The following HDGFL3 variants were observed in gnomAD, a reference collection of about 807,000 sequenced individuals.
HDGFL3 encodes HDGF like 3, also known as hepatoma-derived growth factor-related protein 3.
A neutral mutation model predicts 27.6 loss-of-function variants in HDGFL3; 6 were observed. The observed-to-expected ratio is 0.22, with a 90% CI of 0.12 to 0.43. The LOEUF (loss-of-function observed/expected upper bound fraction) is 0.43, where lower values mean the gene tolerates loss of function less well. Among genes scored for constraint, HDGFL3 ranks in the 20% least tolerant of loss-of-function variants. The probability of loss-of-function intolerance (pLI) is 1.00; values close to 1 mark genes in which losing one functional copy is unlikely to be tolerated. For missense variants in HDGFL3, 207 were observed against 250.1 expected (o/e 0.83, Z 1.16); for synonymous variants, 88 against 88.9 (o/e 0.99, Z 0.05).
chr15:83,140,921 C>G lies in HDGFL3; in HGVS notation c.607-1646G>C, dbSNP rs182562145. On this transcript the variant is annotated intron_variant, in intron 5 of 5. Transcript: ENST00000299633. Reference sequence around the variant, plus strand: ...TTTGGAACAGGTGGTCCCATGGCAGCCTCAGAGTAGTATTAATACCCCAAA... The same window carrying G: ...TTTGGAACAGGTGGTCCCATGGCAGGCTCAGAGTAGTATTAATACCCCAAA... 4.1e-4 allele frequency among the ~76,000 whole-genome samples: 62 copies of G among 152,186 alleles called. 1 individual carries two copies. The highest frequency in any genetic ancestry group is 1.5e-3 in the African/African-American group (62 of 41,512).
chr15:83,178,089 G>A (rs1372026441), intron 1 of HDGFL3, among the ~76,000 whole-genome samples: 2 of 152,192 alleles, frequency 1.3e-5, no homozygotes, highest in East Asian at 3.8e-4. Context: ...AAGGTTTGTG[G>A]AAAGGAAAAT....
chr15:83,177,872 T>G (rs2037332784), intron 1 of HDGFL3, among the ~76,000 whole-genome samples: 1 of 152,216 alleles, frequency 6.6e-6, no homozygotes, highest in South Asian at 2.1e-4. Context: ...CAGAAACTAG[T>G]TGCTTTGGTT....
At chr15:83,112,793 G>A (rs774118058) in exon 4 of HDGFL3, 2 of 1,610,074 alleles carry the variant, frequency 1.2e-6, no homozygotes, top group South Asian at 1.1e-5. Context: ...TCTGGTCGTT[G>A]CAGTTCCTGG....
chr15:83,200,807 G>A (rs1228793530), intron 1 of HDGFL3, among the ~76,000 whole-genome samples: 2 of 151,462 alleles, frequency 1.3e-5, no homozygotes, highest in African/African-American at 4.9e-5. Flanking sequence ...GAAATCTGGA[G>A]GATGTCATTC....
In HDGFL3 at chr15:83,119,733, G is replaced by A. The variant is rs766860709; in HGVS notation, c.394-3992C>T. 13 of 1,610,628 alleles carry A rather than the reference G, an allele frequency of 8.1e-6. 1 individual carries two copies. Among genetic ancestry groups the A allele is most frequent in the South Asian group, 2.2e-5 (2 of 90,748 alleles). On this transcript the variant is annotated intron_variant, in intron 3 of 3. Transcript: ENST00000568294. ...TTTGCCACCTTAGCAACCGATAAGC[G>A]GGTATGTAAGGAAACGTTATGCATA...
chr15:83,140,900 G>T (rs1180616779), intron 5 of HDGFL3, among the ~76,000 whole-genome samples: 1 of 152,048 alleles, frequency 6.6e-6, no homozygotes, highest in East Asian at 1.9e-4. Flanking sequence ...AATATTTTTG[G>T]AACAGGTGGT....
At chr15:83,142,635 T>A (rs1296730560) in intron 5 of HDGFL3, among the ~76,000 whole-genome samples, 1 of 151,928 alleles carries the variant, frequency 6.6e-6, no homozygotes, top group Non-Finnish European at 1.5e-5. Flanking sequence ...TAATAATAAA[T>A]CTGCACATGT....
chr15:83,169,443 A>T (rs1443563876), intron 1 of HDGFL3, among the ~76,000 whole-genome samples: 24 of 147,746 alleles, frequency 1.6e-4, no homozygotes, highest in Admixed American at 2.7e-4. Flanking sequence ...AAAAAAAAAA[A>T]AAAAGAAAGA....
At chr15:83,193,031 T>C (rs934157094) in intron 1 of HDGFL3, among the ~76,000 whole-genome samples, 7 of 152,210 alleles carry the variant, frequency 4.6e-5, no homozygotes, top group African/African-American at 1.7e-4. Flanking sequence ...CTCCTGCCTT[T>C]ACCACATATG....
At chr15:83,158,826 T>C (rs2037063122) in intron 2 of HDGFL3, among the ~76,000 whole-genome samples, 2 of 152,172 alleles carry the variant, frequency 1.3e-5, no homozygotes, top group South Asian at 4.1e-4. Flanking sequence ...ACCACGTTAG[T>C]ATATTTATTC....
intron 1 of HDGFL3, among the ~76,000 whole-genome samples, chr15:83,193,490 A>G (rs958842810): frequency 6.6e-6 from 1 of 152,230 alleles, no homozygotes; most frequent in African/African-American, 2.4e-5. Context: ...AGAATGTAAA[A>G]TGGTGCAGTC....
At chr15:83,157,627 C>A (rs1596551498) in intron 3 of HDGFL3, 54 bp from the exon 4 acceptor site, 4 of 1,475,020 alleles carry the variant, frequency 2.7e-6, no homozygotes, top group Admixed American at 3.7e-5. Context: ...TAGCAAAGAA[C>A]AAACACTGAA....
At chr15:83,186,903 T>G (rs1270672825) in intron 1 of HDGFL3, among the ~76,000 whole-genome samples, 1 of 152,246 alleles carries the variant, frequency 6.6e-6, no homozygotes, top group East Asian at 1.9e-4. Flanking sequence ...AAATACATTT[T>G]TTAAAAACAA....
At chr15:83,121,969 G>C in intron 3 of HDGFL3, 1 of 1,611,402 alleles carries the variant, frequency 6.2e-7, no homozygotes, top group Non-Finnish European at 8.5e-7. Context: ...CTATTATTAT[G>C]AGTGTTGTTG....
chr15:83,127,150 C>T (rs535281368), downstream of HDGFL3, among the ~76,000 whole-genome samples: 191 of 151,088 alleles, frequency 1.3e-3, 1 homozygote, highest in Non-Finnish European at 2.3e-3. Flanking sequence ...GCCGAGATTG[C>T]GCCACTGCAC....
In HDGFL3 at chr15:83,207,086, C is replaced by A. The variant is rs1192770126; in HGVS notation, c.84+245G>T. ...CAGGAGGAAGGCAGCGTCGGGCCTGCGGGGGCCGGACCCGCCTTCGAAAGT... is the reference window on the plus strand; with the variant it reads ...CAGGAGGAAGGCAGCGTCGGGCCTGAGGGGGCCGGACCCGCCTTCGAAAGT... On this transcript the variant is annotated intron_variant, in intron 1 of 5. Coordinates refer to ENST00000299633, the MANE Select transcript of HDGFL3 (RefSeq NM_016073.4). This position sits in a 1 kb window ranked among gnomAD's most constrained non-coding sequence, Gnocchi z 4.8. Among the ~76,000 whole-genome samples the A allele has an allele frequency of 6.6e-6, 1 of 152,170 alleles. No homozygotes were observed. The highest frequency in any genetic ancestry group is 2.4e-5 in the African/African-American group (1 of 41,456).
intron 1 of HDGFL3, among the ~76,000 whole-genome samples, chr15:83,174,179 T>C (rs2037280671): frequency 6.6e-6 from 1 of 152,174 alleles, no homozygotes; most frequent in South Asian, 2.1e-4. Flanking sequence ...TGAAATTCCA[T>C]GGTTTGTCTA....
intron 1 of HDGFL3, among the ~76,000 whole-genome samples, chr15:83,195,957 A>T (rs1009829700): frequency 6.6e-6 from 1 of 152,062 alleles, no homozygotes; most frequent in South Asian, 2.1e-4. Flanking sequence ...TATGTGCTAG[A>T]AAGTATGAAA....
In HDGFL3 at chr15:83,133,079, A is replaced by T. The variant is rs1008467573; in HGVS notation, c.*6191T>A. ...ACAAACATCACCTCACTGAACCCTC[A>T]TAACAACCTATGAGGTGGGTTCCAC... On this transcript the variant is annotated 3_prime_UTR_variant, in exon 6 of 6. Transcript: ENST00000299633. 2 of 152,208 alleles carry T rather than the reference A, an allele frequency of 1.3e-5. No individual in the cohort carries two copies. The highest frequency in any genetic ancestry group is 3.8e-4 in the East Asian group (2 of 5,198). The allele number at this position is 152,208 out of a possible 1,614,324, so 9.4% of individuals were successfully genotyped here.
Sources: gnomAD v4.1 joint callset for allele counts (sites outside exome capture counted in the v4.1 genomes callset) on GRCh38, gnomAD v4.1.1 for gene constraint, Gnocchi (gnomAD v3.1) non-coding constraint, MANE v1.5 for transcripts, NCBI Gene and HGNC (gene_info 2026-07-23, HGNC 2026-07-21) for gene names.